ZNF317: variants seen among roughly 807,000 people sequenced by gnomAD.
ZNF317 encodes the protein zinc finger protein 317.
In ZNF317, 17 loss-of-function variants were observed where a neutral mutation model predicts 23.4. The observed-to-expected ratio is 0.73, with a 90% CI of 0.50 to 1.09. The LOEUF (loss-of-function observed/expected upper bound fraction) is 1.09. Ranked by LOEUF, ZNF317 falls within the 50% of genes least tolerant of loss-of-function variation. The pLI is 0.00. For synonymous variants in ZNF317, 317 were observed against 314.9 expected (o/e 1.01, Z -0.07); for missense variants, 679 against 796.7 (o/e 0.85, Z 1.78).
Position 9,140,463 on chromosome 19 carries a change from G to T in ZNF317, c.-222G>T. On this transcript the variant is annotated 5_prime_UTR_variant, in exon 1 of 7. Coordinates refer to ENST00000247956, the MANE Select transcript of ZNF317 (RefSeq NM_020933.5). Reference sequence around the variant, plus strand: ...AGACACATGGGCCAAGGAGGGGTCAGCGGCGAATTCTTTCGGCCTGTTGGG... The same window carrying T: ...AGACACATGGGCCAAGGAGGGGTCATCGGCGAATTCTTTCGGCCTGTTGGG... 2 of 456,080 alleles carry T rather than the reference G, an allele frequency of 4.4e-6. No homozygotes were observed. Among genetic ancestry groups the T allele is most frequent in the Non-Finnish European group, 8.8e-6 (2 of 226,674 alleles). The allele number at this position is 456,080 out of a possible 1,614,324, so 28.3% of individuals were successfully genotyped here.
intron 1 of ZNF317, among the ~76,000 whole-genome samples, chr19:9,147,783 G>A (rs1212559253): frequency 2.0e-5 from 3 of 152,114 alleles, no homozygotes; most frequent in Non-Finnish European, 4.4e-5. Context: ...TGTATTCATG[G>A]CCACCAGTTC....
intron 1 of ZNF317, among the ~76,000 whole-genome samples, chr19:9,149,134 T>C (rs1418619081): frequency 6.6e-6 from 1 of 152,166 alleles, no homozygotes. Flanking sequence ...AAATAGAGCC[T>C]AATCTTACAC....
Position 9,156,655 on chromosome 19 carries a change from T to G in ZNF317, c.69T>G (p.Phe23Leu), listed in dbSNP as rs749499549. ...QDSTCLQDSE[F>L]PVSSKDHSCP... ...CCACCTGTCTCCAGGACTCAGAATTTCCTGTTTCTTCAAAAGACCATTCCT... is the reference window on the plus strand; with the variant it reads ...CCACCTGTCTCCAGGACTCAGAATTGCCTGTTTCTTCAAAAGACCATTCCT... Residue 23 changes from phenylalanine to leucine, a missense_variant, in exon 3 of 7, where the codon TTT becomes TTG. By Grantham distance (22) the Phe-to-Leu change is conservative (BLOSUM62 0). Coordinates refer to ENST00000247956, the MANE Select transcript of ZNF317 (RefSeq NM_020933.5). 2.5e-6 allele frequency: 4 copies of G among 1,614,050 alleles called. No individual in the cohort carries two copies. In the African/African-American group the frequency reaches 5.3e-5, roughly 22 times the overall value.
chr19:9,142,023 C>G (rs1447056852), intron 1 of ZNF317, among the ~76,000 whole-genome samples: 1 of 152,172 alleles, frequency 6.6e-6, no homozygotes, highest in African/African-American at 2.4e-5. Flanking sequence ...CCAGGCTGGT[C>G]TCGATCTCCT....
chr19:9,152,410 C>T lies in ZNF317; in HGVS notation c.-92-3515C>T, dbSNP rs369481459. The stretch of plus-strand genomic sequence containing the variant: ...ACAAGGCCCTGCCGCAGGAGGTGAG[C>T]GGAGGGCAAGTGAGTGAAGCTTCAT... On this transcript the variant is annotated intron_variant, in intron 1 of 6. Coordinates refer to ENST00000247956, the MANE Select transcript of ZNF317 (RefSeq NM_020933.5). 1.1e-3 allele frequency among the ~76,000 whole-genome samples: 174 copies of T among 152,300 alleles called. 6 individuals are homozygous for T. The South Asian group carries it at 0.035, about 31-fold the overall frequency.
At chr19:9,152,211 T>A (rs754511284) in intron 1 of ZNF317, among the ~76,000 whole-genome samples, 11 of 152,228 alleles carry the variant, frequency 7.2e-5, no homozygotes, top group African/African-American at 1.2e-4. Flanking sequence ...CAGCTGGTCC[T>A]GGACTTTTTA....
chr19:9,142,303 T>TTTTG (rs150909741), intron 1 of ZNF317, among the ~76,000 whole-genome samples: 1,749 of 152,000 alleles, frequency 0.012, 26 homozygotes, highest in African/African-American at 0.039. Context: ...AAATTGTCTT[T>TTTTG]TTTGTTTGTT....
chr19:9,157,681 C>CTTTTTTTTTT (rs566513253), intron 4 of ZNF317: 2 of 346,344 alleles, frequency 5.8e-6, no homozygotes, highest in Admixed American at 5.4e-5. Flanking sequence ...TTTCCTATTT[C>CTTTTTTTTTT]TTTTTTTTTT....
Position 9,161,295 on chromosome 19 carries a change from G to T in ZNF317, c.1650G>T (p.Arg550=). 2 of 1,613,322 alleles carry T rather than the reference G, an allele frequency of 1.2e-6. No homozygotes were observed. The highest frequency in any genetic ancestry group is 1.1e-5 in the South Asian group (1 of 90,988). The change falls in exon 7 of 7, where the codon CGG becomes CGT. Residue 550 remains arginine (R), a synonymous_variant. Transcript: ENST00000247956. The surrounding 1 kb of genome is among the most constrained non-coding windows in gnomAD (Gnocchi z 4.0). ...GCTCCAACCTGAATGTGCACAGGCGGATCCACACCGGGGAGAAGCCCTACG... is the reference window on the plus strand; with the variant it reads ...GCTCCAACCTGAATGTGCACAGGCGTATCCACACCGGGGAGAAGCCCTACG... The part of the protein sequence containing the change: ...SIGSNLNVHR[R]IHTGEKPYEC...
At position 9,149,404 on chromosome 19, in the gene ZNF317, G is replaced by A. The variant is rs145942935; in HGVS notation, c.-92-6521G>A. Among the ~76,000 whole-genome samples, 957 of 152,050 alleles carry A rather than the reference G, an allele frequency of 6.3e-3. 13 individuals are homozygous for A. Among genetic ancestry groups the A allele is most frequent in the African/African-American group, 0.022 (928 of 41,470 alleles). On this transcript the variant is annotated intron_variant, in intron 1 of 6. Transcript: ENST00000247956. ...GGAGAATCACTTGAACCCGGGAGGC[G>A]CAGGTTGCAGTGAGCTGAGATCACA... is the stretch of plus-strand genomic sequence containing the variant.
Position 9,161,110 on chromosome 19 carries a change from C to A in ZNF317, c.1465C>A (p.Arg489=). The change falls in exon 7 of 7, where the codon CGG becomes AGG. Residue 489 remains arginine, a synonymous_variant. Transcript: ENST00000247956. The surrounding 1 kb of genome is among the most constrained non-coding windows in gnomAD (Gnocchi z 4.0). ...CGKVFGDYLS[R]RRHMSVHLVK... is the part of the protein sequence containing the mutation. ...GAAAGTCTTCGGTGACTATTTATCC[C>A]GGCGGAGGCACATGAGCGTTCACCT... The A allele has an allele frequency of 1.2e-6, 2 of 1,614,216 alleles. No homozygotes were observed. Among genetic ancestry groups the A allele is most frequent in the East Asian group, 4.5e-5 (2 of 44,870 alleles).
rs1441943911 is a variant in ZNF317 at position 9,141,075 on chromosome 19, G to T, written c.-93+483G>T. On this transcript the variant is annotated intron_variant, in intron 1 of 6. Coordinates refer to ENST00000247956, the MANE Select transcript of ZNF317 (RefSeq NM_020933.5). ...CACTTTTTTATTTATTTTAATTTTA[G>T]TGGACTCTTGTAAATAGCCTATATG... Among the ~76,000 whole-genome samples, 7 of 141,254 alleles carry T rather than the reference G, an allele frequency of 5.0e-5. No individual in the cohort carries two copies. The South Asian group carries it at 8.6e-4, about 17-fold the overall frequency. 92.7% of individuals were successfully genotyped at this position (141,254 alleles called of 152,430 possible).
rs1199534509 is a variant in ZNF317 at position 9,162,145 on chromosome 19, G to A, written c.*712G>A. ...CGGGCGACGATTTGGCTGTCTAGGC[G>A]TCATTTGGCAATGTCTAGAGACATT... On this transcript the variant is annotated 3_prime_UTR_variant, in exon 7 of 7. Coordinates refer to ENST00000247956, the MANE Select transcript of ZNF317 (RefSeq NM_020933.5). 2 of 152,086 alleles carry A rather than the reference G, an allele frequency of 1.3e-5. No individual in the cohort carries two copies. The highest frequency in any genetic ancestry group is 6.6e-5 in the Admixed American group (1 of 15,254). 9.4% of individuals were successfully genotyped at this position (152,086 alleles called of 1,614,324 possible). A position where few individuals can be genotyped will look rare whatever the true frequency, so the allele number is the denominator to read the frequency against.
chr19:9,149,634 C>A (rs564371479), intron 1 of ZNF317, among the ~76,000 whole-genome samples: 1 of 152,068 alleles, frequency 6.6e-6, no homozygotes, highest in African/African-American at 2.4e-5. Flanking sequence ...GCATGGCTGG[C>A]GGGGCCTGAT....
intron 1 of ZNF317, among the ~76,000 whole-genome samples, chr19:9,144,353 G>A (rs1408584106): frequency 6.6e-6 from 1 of 152,048 alleles, no homozygotes; most frequent in Non-Finnish European, 1.5e-5. Flanking sequence ...CATATAATTG[G>A]ATTAATCTAT....
rs2050871458 is a variant in ZNF317, at chr19:9,162,588, G to A, written c.*1155G>A. 2.0e-5 allele frequency: 3 copies of A among 149,506 alleles called. No individual in the cohort carries two copies. Among genetic ancestry groups the A allele is most frequent in the African/African-American group, 5.0e-5 (2 of 40,304 alleles). 9.3% of individuals were successfully genotyped at this position (149,506 alleles called of 1,614,324 possible). A position where few individuals can be genotyped will look rare whatever the true frequency, so the allele number is the denominator to read the frequency against. On this transcript the variant is annotated 3_prime_UTR_variant, in exon 7 of 7. Coordinates refer to ENST00000247956, the MANE Select transcript of ZNF317 (RefSeq NM_020933.5). Reference sequence around the variant, plus strand: ...CAGACCCCCCGAGAGAAGCCCCAACGAGATTTTCCGGTGAATACGGGACTG... The same window carrying A: ...CAGACCCCCCGAGAGAAGCCCCAACAAGATTTTCCGGTGAATACGGGACTG...
intron 6 of ZNF317, among the ~76,000 whole-genome samples, chr19:9,159,453 C>T (rs940674711): frequency 8.6e-5 from 13 of 151,490 alleles, no homozygotes; most frequent in African/African-American, 2.7e-4. Flanking sequence ...CCATCAGCCT[C>T]GGTCTCCCAA....
chr19:9,155,018 G>T (rs575654867), intron 1 of ZNF317, among the ~76,000 whole-genome samples: 2 of 152,016 alleles, frequency 1.3e-5, no homozygotes, highest in African/African-American at 4.8e-5. Flanking sequence ...TACCCTTTTT[G>T]TTGGGTTGAT....
chr19:9,155,640 G>A (rs1019667673), intron 1 of ZNF317, among the ~76,000 whole-genome samples: 1 of 152,192 alleles, frequency 6.6e-6, no homozygotes, highest in Non-Finnish European at 1.5e-5. Context: ...CAGAAGTCTA[G>A]GACCAGAGTG....
Sources: gnomAD v4.1 joint callset for allele counts (sites outside exome capture counted in the v4.1 genomes callset) on GRCh38, gnomAD v4.1.1 for gene constraint, Gnocchi (gnomAD v3.1) non-coding constraint, MANE v1.5 for transcripts, NCBI Gene and HGNC (gene_info 2026-07-23, HGNC 2026-07-21) for gene names.